The following LAMA2 variants were observed in gnomAD, a reference collection of about 807,000 sequenced individuals.
LAMA2 encodes the protein laminin subunit alpha-2.
Under a neutral mutation model 364.8 loss-of-function variants are expected in LAMA2, and 269 were observed. That is an observed-to-expected ratio of 0.74 (90% CI 0.67 to 0.82). The LOEUF (loss-of-function observed/expected upper bound fraction) is 0.82. Ranked by LOEUF, LAMA2 falls within the 40% of genes least tolerant of loss-of-function variation. The pLI, the probability that LAMA2 is intolerant of heterozygous loss-of-function variation, is 0.00. For synonymous variants in LAMA2, 1,379 were observed against 1,370.6 expected, an observed-to-expected ratio of 1.01 and a Z score of -0.14; for missense variants, 3,807 against 3,873.2, an observed-to-expected ratio of 0.98 and a Z score of 0.45.
intron 32 of LAMA2, among the ~76,000 whole-genome samples, chr6:129,365,374 T>A (rs1383393427): frequency 6.6e-6 from 1 of 152,140 alleles, no homozygotes; most frequent in African/African-American, 2.4e-5. Flanking sequence ...TTTATTTTAT[T>A]TTTTGGGGGG....
At chr6:129,102,400 G>T (rs1236057904) in intron 4 of LAMA2, among the ~76,000 whole-genome samples, 1 of 151,822 alleles carries the variant, frequency 6.6e-6, no homozygotes, top group Non-Finnish European at 1.5e-5. Context: ...CTCCCAAAGT[G>T]CTAGGATTAC....
chr6:129,337,821 C>G (rs1776040366), intron 29 of LAMA2, among the ~76,000 whole-genome samples: 1 of 152,048 alleles, frequency 6.6e-6, no homozygotes, highest in African/African-American at 2.4e-5. Flanking sequence ...AATTAAACTT[C>G]TCATTAGGCA....
chr6:129,512,497 A>G lies in LAMA2; in HGVS notation c.8988+4A>G. The stretch of plus-strand genomic sequence containing the variant: ...TATTGAAATGATTGATGAAAAGGTG[A>G]GTGTCAGCAATGCAAACATTTCTGA... On this transcript the variant is annotated splice_donor_region_variant and intron_variant, in intron 63 of 64. Transcript: ENST00000421865. 6.2e-7 allele frequency: 1 copy of G among 1,613,340 alleles called. No individual in the cohort carries two copies. Among genetic ancestry groups the G allele is most frequent in the Non-Finnish European group, 8.5e-7 (1 of 1,179,392 alleles).
chr6:129,374,079 T>C (rs1237560072), intron 34 of LAMA2, among the ~76,000 whole-genome samples: 1 of 152,208 alleles, frequency 6.6e-6, no homozygotes, highest in Non-Finnish European at 1.5e-5. Context: ...TAATTACTTT[T>C]TTCCTACCAT....
chr6:129,032,067 C>T (rs1158144732), intron 1 of LAMA2, among the ~76,000 whole-genome samples: 1 of 152,190 alleles, frequency 6.6e-6, no homozygotes, highest in Non-Finnish European at 1.5e-5. Flanking sequence ...ATCCTCCTGC[C>T]TCGGCCTCCC....
intron 49 of LAMA2, among the ~76,000 whole-genome samples, chr6:129,461,953 G>T (rs996242362): frequency 4.6e-5 from 7 of 151,934 alleles, no homozygotes. Flanking sequence ...CACATTTGGA[G>T]TATACTACAA....
chr6:128,885,717 A>G (rs796598036), intron 1 of LAMA2, among the ~76,000 whole-genome samples: 19 of 152,318 alleles, frequency 1.2e-4, no homozygotes, highest in African/African-American at 4.3e-4. Flanking sequence ...AATTTTTGAC[A>G]TGAATCAACC....
At chr6:128,912,534 A>G (rs186513736) in intron 1 of LAMA2, among the ~76,000 whole-genome samples, 339 of 152,326 alleles carry the variant, frequency 2.2e-3, no homozygotes, top group African/African-American at 7.7e-3. Context: ...AGTTGTTTAA[A>G]ATCTACTATA....
chr6:129,168,236 G>A (rs1160751025), intron 9 of LAMA2, among the ~76,000 whole-genome samples: 2 of 150,088 alleles, frequency 1.3e-5, no homozygotes, highest in South Asian at 2.1e-4. Context: ...TGAAGTCCTT[G>A]CCCATGCCTA....
chr6:129,507,372 C>T, intron 61 of LAMA2, 117 bp from the exon 62 acceptor site: 3 of 1,081,098 alleles, frequency 2.8e-6, no homozygotes, highest in Non-Finnish European at 4.2e-6. Flanking sequence ...GGGGATATCC[C>T]ATCCTAAGAC....
intron 1 of LAMA2, among the ~76,000 whole-genome samples, chr6:129,048,532 C>CTTT (rs1787739260): frequency 1.8e-4 from 12 of 66,244 alleles, no homozygotes; most frequent in African/African-American, 3.0e-4. Flanking sequence ...TTCCTTCCTT[C>CTTT]CTTCCTTCCT....
chr6:129,346,419 T>C (rs970105343), intron 30 of LAMA2, among the ~76,000 whole-genome samples: 1 of 152,222 alleles, frequency 6.6e-6, no homozygotes, highest in African/African-American at 2.4e-5. Flanking sequence ...ATGTATTTTG[T>C]ACATTTTATA....
intron 2 of LAMA2, among the ~76,000 whole-genome samples, chr6:129,058,530 C>A (rs1225937650): frequency 1.3e-5 from 2 of 152,206 alleles, no homozygotes; most frequent in Non-Finnish European, 2.9e-5. Flanking sequence ...CATGTGCCAT[C>A]ATCTCCTTCC....
At chr6:129,339,096 T>C (rs1018517984) in intron 29 of LAMA2, among the ~76,000 whole-genome samples, 1 of 85,942 alleles carries the variant, frequency 1.2e-5, no homozygotes, top group Non-Finnish European at 3.3e-5. Context: ...GATATGTTCA[T>C]AGGATGATCA....
intron 12 of LAMA2, among the ~76,000 whole-genome samples, chr6:129,195,064 C>CAGG (rs1332619303): frequency 6.6e-5 from 10 of 152,152 alleles, no homozygotes; most frequent in Non-Finnish European, 1.5e-5. Flanking sequence ...CATCCATGAC[C>CAGG]AGGAGTCTAT....
rs1298248793 is a variant in LAMA2, at chr6:129,224,324, A to G, written c.1783-25788A>G. Among the ~76,000 whole-genome samples, 4 of 152,140 alleles carry G rather than the reference A, an allele frequency of 2.6e-5. No homozygotes were observed. In the South Asian group the frequency reaches 6.2e-4, roughly 24 times the overall value. On this transcript the variant is annotated intron_variant, in intron 12 of 64. Transcript: ENST00000421865. ...AATTTGACTACCTCTTTTCCTAATTAAATACCCTTCATTACTTTCTCCTGC... is the reference window on the plus strand; with the variant it reads ...AATTTGACTACCTCTTTTCCTAATTGAATACCCTTCATTACTTTCTCCTGC...
chr6:129,415,000 A>C (rs966814609), intron 40 of LAMA2, among the ~76,000 whole-genome samples: 5 of 152,156 alleles, frequency 3.3e-5, no homozygotes, highest in Non-Finnish European at 7.3e-5. Context: ...CCCACCCTTC[A>C]GTTTCCCAAT....
At chr6:129,073,863 A>G (rs1447961628) in intron 3 of LAMA2, among the ~76,000 whole-genome samples, 1 of 152,124 alleles carries the variant, frequency 6.6e-6, no homozygotes, top group African/African-American at 2.4e-5. Flanking sequence ...CTTTTCATGC[A>G]TTCCTGTTTT....
intron 28 of LAMA2, among the ~76,000 whole-genome samples, chr6:129,324,676 C>T (rs1775166696): frequency 1.3e-5 from 2 of 152,226 alleles, no homozygotes; most frequent in Admixed American, 1.3e-4. Context: ...TCCTAGGCTA[C>T]AGACCTGCAC....
Sources: allele counts gnomAD v4.1 joint callset (sites outside exome capture counted in the v4.1 genomes callset), GRCh38; gene constraint gnomAD v4.1.1; transcripts MANE v1.5; gene names NCBI Gene and HGNC (gene_info 2026-07-23, HGNC 2026-07-21).